CHM: variants seen among roughly 807,000 people sequenced by gnomAD.
CHM encodes rab proteins geranylgeranyltransferase component A 1.
CHM carries 10 observed loss-of-function variants against 49.0 expected under a neutral mutation model. The observed-to-expected ratio is 0.20, with a 90% CI of 0.13 to 0.35. The LOEUF is 0.35. Ranked by LOEUF, CHM falls within the 10% of genes least tolerant of loss-of-function variation. The pLI, the probability that CHM is intolerant of heterozygous loss-of-function variation, is 1.00. For synonymous variants in CHM, 184 were observed against 167.5 expected, an observed-to-expected ratio of 1.10 and a Z score of -0.76; for missense variants, 455 against 478.4, an observed-to-expected ratio of 0.95 and a Z score of 0.46.
intron 1 of CHM, among the ~76,000 whole-genome samples, chrX:86,044,711 A>G (rs1279442609): frequency 9.0e-6 from 1 of 111,691 alleles, no homozygotes; most frequent in Non-Finnish European, 1.9e-5. Context: ...AAATACCCTG[A>G]AAATGACAAT....
rs1424633605 is a variant in CHM at position 85,861,392 on chromosome X, A to G, written c.*3238T>C. The G allele has an allele frequency of 9.0e-6, 1 of 111,665 alleles. No individual in the cohort carries two copies. Among genetic ancestry groups the G allele is most frequent in the Non-Finnish European group, 1.9e-5 (1 of 53,116 alleles). The allele number at this position is 111,665 out of a possible 1,213,427, so 9.2% of individuals were successfully genotyped here. On this transcript the variant is annotated 3_prime_UTR_variant, in exon 15 of 15. Coordinates refer to ENST00000357749, the MANE Select transcript of CHM (RefSeq NM_000390.4). ...CACTATTTAGCAATTAAATTTCAAC[A>G]CATTTTTTTTGGAACTCTTTAGGAC... is the stretch of plus-strand genomic sequence containing the variant.
At chrX:85,934,042 G>A (rs1204952720) in intron 8 of CHM, among the ~76,000 whole-genome samples, 2 of 107,416 alleles carry the variant, frequency 1.9e-5, no homozygotes, top group East Asian at 3.0e-4. Context: ...GTGCAGTAGC[G>A]CAATCTCGGC....
At chrX:86,028,131 C>A (rs935954658) in intron 1 of CHM, among the ~76,000 whole-genome samples, 52 of 112,272 alleles carry the variant, frequency 4.6e-4, no homozygotes, top group African/African-American at 1.5e-3. Context: ...TACTTACAAT[C>A]TTTTTGTATG....
intron 8 of CHM, among the ~76,000 whole-genome samples, chrX:85,911,696 T>C (rs753415630): frequency 3.1e-4 from 34 of 110,426 alleles, no homozygotes; most frequent in Non-Finnish European, 5.5e-4. Context: ...CCAAGAGAAA[T>C]CACCATTGAG....
At chrX:86,004,526 C>G (rs1332109608) in intron 2 of CHM, among the ~76,000 whole-genome samples, 2 of 111,186 alleles carry the variant, frequency 1.8e-5, no homozygotes, top group Non-Finnish European at 3.8e-5. Flanking sequence ...ATCTCACAGG[C>G]AAAGACGCAC....
At chrX:86,028,710 AC>A (rs1474307301) in intron 1 of CHM, among the ~76,000 whole-genome samples, 2 of 111,962 alleles carry the variant, frequency 1.8e-5, no homozygotes, top group African/African-American at 6.5e-5. Flanking sequence ...CATATGATCT[AC>A]CATGTTGATA....
chrX:85,886,597 G>T (rs934526860), intron 12 of CHM, among the ~76,000 whole-genome samples: 11 of 111,063 alleles, frequency 9.9e-5, no homozygotes, highest in African/African-American at 3.6e-4. Context: ...GAAACAGAAA[G>T]AAATCAATAG....
At chrX:85,915,407 C>T (rs1269176988) in intron 8 of CHM, among the ~76,000 whole-genome samples, 1 of 111,605 alleles carries the variant, frequency 9.0e-6, no homozygotes, top group Non-Finnish European at 1.9e-5. Context: ...CAAGGATGCC[C>T]TCTCACCACT....
intron 8 of CHM, among the ~76,000 whole-genome samples, chrX:85,927,894 G>T (rs1300014705): frequency 8.9e-6 from 1 of 112,102 alleles, no homozygotes; most frequent in Non-Finnish European, 1.9e-5. Flanking sequence ...AATCATAGCT[G>T]CAAAACAGTA....
At chrX:85,975,979 TCTTA>T (rs1931232565) in intron 4 of CHM, among the ~76,000 whole-genome samples, 2 of 112,427 alleles carry the variant, frequency 1.8e-5, no homozygotes, top group South Asian at 3.7e-4. Flanking sequence ...ATAGTGATAC[TCTTA>T]CTTACTCAAG....
chrX:86,029,182 T>G (rs1054152401), intron 1 of CHM, among the ~76,000 whole-genome samples: 1 of 112,352 alleles, frequency 8.9e-6, no homozygotes, highest in Non-Finnish European at 1.9e-5. Flanking sequence ...ACTTTAGATA[T>G]AATTCAAGTA....
chrX:86,001,907 T>C (rs1932744480), intron 2 of CHM, among the ~76,000 whole-genome samples: 1 of 111,109 alleles, frequency 9.0e-6, no homozygotes, highest in African/African-American at 3.3e-5. Context: ...GAAAACTGCA[T>C]GCAATTAAGC....
intron 5 of CHM, among the ~76,000 whole-genome samples, chrX:85,962,156 AAAGCCCATTTGT>A (rs1930330945): frequency 1.8e-5 from 2 of 112,547 alleles, no homozygotes; most frequent in Non-Finnish European, 3.7e-5. Context: ...ATTGTCACAC[AAAGCCCATTTGT>A]TATTTGACTT....
At chrX:85,899,965 T>C (rs893639080) in intron 11 of CHM, among the ~76,000 whole-genome samples, 6 of 110,324 alleles carry the variant, frequency 5.4e-5, no homozygotes, top group African/African-American at 2.0e-4. Flanking sequence ...TTGGTTGGAA[T>C]GCAAATCAAA....
At chrX:85,949,535 G>A (rs753328856) in intron 8 of CHM, among the ~76,000 whole-genome samples, 1 of 110,311 alleles carries the variant, frequency 9.1e-6, no homozygotes, top group South Asian at 4.0e-4. Flanking sequence ...CAGGAAGAGG[G>A]AAAGAGTAAC....
intron 10 of CHM, 53 bp from the exon 11 acceptor site, chrX:85,900,762 G>T: frequency 2.2e-6 from 2 of 905,663 alleles, no homozygotes; most frequent in Non-Finnish European, 3.2e-6. Flanking sequence ...GATAAGTTTC[G>T]TTTATAGTTA....
At chrX:86,037,074 T>C (rs1477355476) in intron 1 of CHM, among the ~76,000 whole-genome samples, 2 of 109,463 alleles carry the variant, frequency 1.8e-5, no homozygotes, top group South Asian at 4.0e-4. Flanking sequence ...GACCTTATCC[T>C]TGCCAGGAAA....
intron 3 of CHM, among the ~76,000 whole-genome samples, chrX:85,979,281 T>G (rs1931461331): frequency 1.8e-5 from 2 of 111,573 alleles, no homozygotes; most frequent in African/African-American, 6.5e-5. Flanking sequence ...TTTTTTAACA[T>G]TTTTTGGTCA....
At chrX:85,951,917 G>A (rs953074811) in intron 8 of CHM, among the ~76,000 whole-genome samples, 1 of 112,005 alleles carries the variant, frequency 8.9e-6, no homozygotes, top group Non-Finnish European at 1.9e-5. Context: ...GAGGGAGTGA[G>A]AGCATAGCAA....
Sources: gnomAD v4.1 joint callset for allele counts (sites outside exome capture counted in the v4.1 genomes callset) on GRCh38, gnomAD v4.1.1 for gene constraint, MANE v1.5 for transcripts, NCBI Gene and HGNC (gene_info 2026-07-23, HGNC 2026-07-21) for gene names.